TRPC5: variants seen among roughly 807,000 people sequenced by gnomAD.
TRPC5 encodes the protein transient receptor potential cation channel subfamily C member 5, also known as short transient receptor potential channel 5.
TRPC5 carries 9 observed loss-of-function variants against 56.5 expected under a neutral mutation model. The ratio of observed to expected loss-of-function variants is 0.16; its 90% CI spans 0.10 to 0.28. TRPC5 has a LOEUF of 0.28. TRPC5 is among the 10% of genes least tolerant of loss of function. The pLI is 1.00. For synonymous variants in TRPC5, 282 were observed against 278.5 expected, an observed-to-expected ratio of 1.01 and a Z score of -0.13; for missense variants, 469 against 748.9, an observed-to-expected ratio of 0.63 and a Z score of 4.36.
chrX:111,952,271 C>T lies in TRPC5; in HGVS notation c.150G>A (p.Gln50=). The part of the protein sequence containing the change: ...VEKGDYATVK[Q]ALQEAEIYYN... ...AGTAGATCTCAGCCTCCTGAAGGGC[C>T]TGCTTCACAGTGGCATAGTCCCCCT... Residue 50 remains glutamine (Q), a synonymous_variant, in exon 2 of 11, where the codon CAG becomes CAA. Coordinates refer to ENST00000262839, the MANE Select transcript of TRPC5 (RefSeq NM_012471.3). 1 of 1,212,048 alleles carries T rather than the reference C, an allele frequency of 8.3e-7. No individual in the cohort carries two copies. The highest frequency in any genetic ancestry group is 1.1e-6 in the Non-Finnish European group (1 of 895,595).
intron 1 of TRPC5, among the ~76,000 whole-genome samples, chrX:112,080,707 A>C (rs921375291): frequency 8.9e-6 from 1 of 112,103 alleles, no homozygotes; most frequent in Non-Finnish European, 1.9e-5. Flanking sequence ...ATGTGACATC[A>C]TTTATATCTC....
intron 7 of TRPC5, among the ~76,000 whole-genome samples, chrX:111,787,582 CAA>C (rs371397409): frequency 7.9e-4 from 51 of 64,605 alleles, no homozygotes; most frequent in African/African-American, 2.1e-3. Flanking sequence ...GTGATAGAGA[CAA>C]AAAAAAAAAA....
intron 1 of TRPC5, among the ~76,000 whole-genome samples, chrX:112,003,867 C>T (rs1479442018): frequency 9.0e-6 from 1 of 111,642 alleles, no homozygotes; most frequent in Non-Finnish European, 1.9e-5. Flanking sequence ...TGGAGGGTTT[C>T]CCCAGAGATC....
chrX:111,786,278 A>C lies in TRPC5; in HGVS notation c.1897-4140T>G, dbSNP rs756218544. ...CCAATATTCAACATTCTGAAAGAAA[A>C]GAATTTTCAACCCAGAATTTCATAT... On this transcript the variant is annotated intron_variant, in intron 7 of 10. Coordinates refer to ENST00000262839, the MANE Select transcript of TRPC5 (RefSeq NM_012471.3). 5.4e-5 allele frequency among the ~76,000 whole-genome samples: 6 copies of C among 111,688 alleles called. No individual in the cohort carries two copies. The South Asian group carries it at 2.3e-3, about 42-fold the overall frequency.
At chrX:111,941,397 C>G (rs1926774119) in intron 2 of TRPC5, among the ~76,000 whole-genome samples, 1 of 112,329 alleles carries the variant, frequency 8.9e-6, no homozygotes. Flanking sequence ...AAGGTAGTCT[C>G]TGTTTAATTT....
chrX:111,780,498 T>C, intron 9 of TRPC5, among the ~76,000 whole-genome samples: 1 of 110,998 alleles, frequency 9.0e-6, no homozygotes, highest in Non-Finnish European at 1.9e-5. Flanking sequence ...TTTAATACAA[T>C]CATCCCTTGG....
chrX:111,885,699 A>C (rs1924457878), intron 3 of TRPC5, among the ~76,000 whole-genome samples: 2 of 111,479 alleles, frequency 1.8e-5, no homozygotes, highest in Non-Finnish European at 3.8e-5. Flanking sequence ...ACTCAGGTTT[A>C]GAGAGAATAA....
Position 111,770,901 on chromosome X carries a change from T to C in TRPC5, c.*5412A>G, listed in dbSNP as rs146171585. Among the ~76,000 whole-genome samples the C allele has an allele frequency of 2.9e-4, 33 of 112,365 alleles. No individual in the cohort carries two copies. The highest frequency in any genetic ancestry group is 1.0e-3 in the African/African-American group (32 of 31,012). On this transcript the variant is annotated 3_prime_UTR_variant, in exon 11 of 11. Coordinates refer to ENST00000262839, the MANE Select transcript of TRPC5 (RefSeq NM_012471.3). ...CTTAAATAAAAGGCACACTGCCACATATTCATTCAAGTGCCACTAAGGACA... is the reference window on the plus strand; with the variant it reads ...CTTAAATAAAAGGCACACTGCCACACATTCATTCAAGTGCCACTAAGGACA...
chrX:111,888,038 C>T (rs1033674271), intron 3 of TRPC5, among the ~76,000 whole-genome samples: 8 of 111,431 alleles, frequency 7.2e-5, no homozygotes, highest in Non-Finnish European at 1.1e-4. Context: ...AAGTGAAATA[C>T]TCATTGAGAA....
chrX:112,051,333 G>T (rs904215393), intron 1 of TRPC5, among the ~76,000 whole-genome samples: 12 of 111,906 alleles, frequency 1.1e-4, no homozygotes, highest in African/African-American at 3.9e-4. Context: ...CACAGCCCTT[G>T]GTCCATTCCC....
intron 2 of TRPC5, among the ~76,000 whole-genome samples, chrX:111,918,804 G>A (rs1228994915): frequency 1.8e-5 from 2 of 111,469 alleles, no homozygotes; most frequent in Admixed American, 1.9e-4. Flanking sequence ...TGTCCACAGT[G>A]GAGCAGTGCT....
Position 111,779,005 on chromosome X carries a change from G to T in TRPC5, c.2212C>A (p.Leu738Ile), listed in dbSNP as rs145407228. Residue 738 changes from leucine to isoleucine, a missense_variant, in exon 10 of 11, where the codon CTT becomes ATT. Physicochemically the swap from Leu to Ile is conservative, Grantham distance 5. This residue lies in a region of TRPC5 where 194 missense variants were observed against 221.8 expected (regional missense o/e 0.87). Transcript: ENST00000262839. ...MIRNSKTHEG[L>I]TEENFKELKQ... Reference sequence around the variant, plus strand: ...ATTACCTTAAAATTTTCTTCTGTAAGTCCCTCATGTGTTTTGGAATTTCTT... The same window carrying T: ...ATTACCTTAAAATTTTCTTCTGTAATTCCCTCATGTGTTTTGGAATTTCTT... 4.8e-4 allele frequency: 570 copies of T among 1,197,706 alleles called. 2 individuals are homozygous for T. The highest frequency in any genetic ancestry group is 6.2e-4 in the Non-Finnish European group (549 of 888,232).
chrX:111,850,679 AG>A (rs774557800), intron 5 of TRPC5, among the ~76,000 whole-genome samples: 4 of 112,212 alleles, frequency 3.6e-5, no homozygotes, highest in African/African-American at 6.5e-5. Flanking sequence ...TTGCCAGTTA[AG>A]GGGCATTTAC....
chrX:112,035,350 A>T (rs182330145), intron 1 of TRPC5, among the ~76,000 whole-genome samples: 77 of 110,510 alleles, frequency 7.0e-4, no homozygotes, highest in African/African-American at 2.4e-3. Context: ...TTACTTTTCC[A>T]AACTATTTTT....
intron 7 of TRPC5, among the ~76,000 whole-genome samples, chrX:111,797,553 C>A (rs960780466): frequency 8.9e-6 from 1 of 111,877 alleles, no homozygotes; most frequent in Non-Finnish European, 1.9e-5. Context: ...ACTTATTAGA[C>A]CCACTGCTAG....
intron 1 of TRPC5, among the ~76,000 whole-genome samples, chrX:112,068,972 T>A (rs2147744678): frequency 8.9e-6 from 1 of 112,002 alleles, no homozygotes; most frequent in East Asian, 2.8e-4. Context: ...AGAGGTGATG[T>A]GACTTGCCCA....
intron 2 of TRPC5, among the ~76,000 whole-genome samples, chrX:111,915,035 A>G (rs1938228005): frequency 9.6e-6 from 1 of 104,172 alleles, no homozygotes; most frequent in African/African-American, 3.8e-5. Flanking sequence ...GCTTCCTACC[A>G]TGCTATTCCT....
At chrX:112,068,474 G>C (rs763911810) in intron 1 of TRPC5, among the ~76,000 whole-genome samples, 2 of 112,193 alleles carry the variant, frequency 1.8e-5, no homozygotes, top group African/African-American at 6.5e-5. Flanking sequence ...GGAGAAGAAA[G>C]TATTTTGGGT....
At chrX:111,988,705 G>T (rs1038631591) in intron 1 of TRPC5, among the ~76,000 whole-genome samples, 2 of 110,934 alleles carry the variant, frequency 1.8e-5, no homozygotes, top group Admixed American at 9.7e-5. Flanking sequence ...AGACCTCAAG[G>T]TGCATATGAT....
Sources: gnomAD v4.1 joint callset for allele counts (sites outside exome capture counted in the v4.1 genomes callset) on GRCh38, gnomAD v4.1.1 for gene constraint, gnomAD v4.1.1 regional missense constraint, MANE v1.5 for transcripts, NCBI Gene and HGNC (gene_info 2026-07-23, HGNC 2026-07-21) for gene names.